CDH13: variants seen among roughly 807,000 people sequenced by gnomAD.
CDH13 encodes the protein cadherin-13.
A neutral mutation model predicts 63.8 loss-of-function variants in CDH13; 24 were observed. The ratio of observed to expected loss-of-function variants is 0.38; its 90% CI spans 0.27 to 0.53. The LOEUF is 0.53. Among genes scored for constraint, CDH13 ranks in the 20% least tolerant of loss-of-function variants. The pLI, the probability that CDH13 is intolerant of heterozygous loss-of-function variation, is 0.85. For missense variants in CDH13, 1,049 were observed against 903.1 expected (o/e 1.16, Z -2.07); for synonymous variants, 503 against 355.3 (o/e 1.42, Z -4.67).
Position 83,275,636 on chromosome 16 carries a change from A to G in CDH13, c.636+58139A>G, listed in dbSNP as rs150220873. Among the ~76,000 whole-genome samples the G allele has an allele frequency of 4.4e-3, 658 of 148,020 alleles. 3 individuals are homozygous for G. Among genetic ancestry groups the G allele is most frequent in the African/African-American group, 0.015 (617 of 39,882 alleles). ...TTCCTCCTGGCATTAGTAAAACCTC[A>G]GGAGTGAGCCTTATGACTCTGGCTT... On this transcript the variant is annotated intron_variant, in intron 5 of 13. Coordinates refer to ENST00000567109, the MANE Select transcript of CDH13 (RefSeq NM_001257.5).
At chr16:83,006,243 G>T (rs530754163) in intron 2 of CDH13, among the ~76,000 whole-genome samples, 1 of 152,308 alleles carries the variant, frequency 6.6e-6, no homozygotes, top group South Asian at 2.1e-4. Context: ...ATGACCATGA[G>T]CTTAGTGCCA....
chr16:83,573,052 G>C (rs939152224), intron 7 of CDH13, among the ~76,000 whole-genome samples: 5 of 152,148 alleles, frequency 3.3e-5, no homozygotes, highest in African/African-American at 1.2e-4. Context: ...ACAGAATATA[G>C]TAAGAACATC....
chr16:83,326,646 G>C (rs2090369396), intron 5 of CDH13, among the ~76,000 whole-genome samples: 1 of 152,110 alleles, frequency 6.6e-6, no homozygotes, highest in Non-Finnish European at 1.5e-5. Context: ...TCTAGGTGGT[G>C]GGTAGGACTA....
intron 1 of CDH13, chr16:82,639,370 C>T (rs1391908393): frequency 6.5e-7 from 1 of 1,535,174 alleles, no homozygotes. Context: ...GGCCAAACAA[C>T]CCACCTGCAC....
intron 1 of CDH13, among the ~76,000 whole-genome samples, chr16:82,804,156 A>AG (rs2037018857): frequency 8.4e-6 from 1 of 119,730 alleles, no homozygotes; most frequent in Non-Finnish European, 1.7e-5. Context: ...TGAACCCAGG[A>AG]GGTGGAGGTT....
chr16:83,713,228 G>C (rs1407928435), intron 10 of CDH13, among the ~76,000 whole-genome samples: 2 of 152,142 alleles, frequency 1.3e-5, no homozygotes, highest in Non-Finnish European at 1.5e-5. Flanking sequence ...TAACGGGCTG[G>C]GGTCCTTCAT....
At chr16:83,540,793 C>G (rs1423891100) in intron 7 of CDH13, among the ~76,000 whole-genome samples, 1 of 152,150 alleles carries the variant, frequency 6.6e-6, no homozygotes, top group Non-Finnish European at 1.5e-5. Context: ...CCACACCCAG[C>G]TAATTTTTGT....
chr16:83,665,607 A>G (rs1913875874), intron 8 of CDH13, among the ~76,000 whole-genome samples: 1 of 152,214 alleles, frequency 6.6e-6, no homozygotes, highest in Admixed American at 6.5e-5. Flanking sequence ...CCAGATGACT[A>G]CATCCCAGCT....
chr16:83,679,822 G>A (rs1915259728), intron 10 of CDH13, among the ~76,000 whole-genome samples: 1 of 152,188 alleles, frequency 6.6e-6, no homozygotes. Context: ...GGACCCTGGA[G>A]GCAATAAAAT....
chr16:83,082,889 G>A (rs1420763650), intron 3 of CDH13, among the ~76,000 whole-genome samples: 2 of 152,304 alleles, frequency 1.3e-5, no homozygotes, highest in South Asian at 4.1e-4. Flanking sequence ...TCGCACGTTT[G>A]TTTTTCAGGC....
chr16:82,971,173 C>T (rs4782741), intron 2 of CDH13, among the ~76,000 whole-genome samples: 1 of 152,146 alleles, frequency 6.6e-6, no homozygotes, highest in Non-Finnish European at 1.5e-5. Context: ...AATGCGATGA[C>T]TCTAAGGCTT....
chr16:83,664,105 C>T (rs990252640), intron 8 of CDH13, among the ~76,000 whole-genome samples: 3 of 151,816 alleles, frequency 2.0e-5, no homozygotes, highest in African/African-American at 4.8e-5. Context: ...TGCAGTGAGC[C>T]GTGATCATAA....
At chr16:83,508,218 G>C (rs966742515) in intron 7 of CDH13, 1 of 153,168 alleles carries the variant, frequency 6.5e-6, no homozygotes, top group Admixed American at 6.6e-5. Flanking sequence ...TAAATGTGGA[G>C]TCTGCCAAAT....
At chr16:83,325,618 C>G (rs73595987) in intron 5 of CDH13, among the ~76,000 whole-genome samples, 1 of 152,128 alleles carries the variant, frequency 6.6e-6, no homozygotes, top group Admixed American at 6.5e-5. Context: ...GCAGCAGCCT[C>G]GATGTGGCCT....
chr16:83,712,027 C>T (rs1415004269), intron 10 of CDH13, among the ~76,000 whole-genome samples: 2 of 152,204 alleles, frequency 1.3e-5, no homozygotes, highest in Non-Finnish European at 2.9e-5. Flanking sequence ...CCTGTGTCCT[C>T]ACAGAGTCTT....
chr16:83,521,850 C>T (rs543975481), intron 7 of CDH13, among the ~76,000 whole-genome samples: 1 of 152,320 alleles, frequency 6.6e-6, no homozygotes, highest in South Asian at 2.1e-4. Context: ...TAACCTCTTG[C>T]ATTTTCAATA....
intron 3 of CDH13, among the ~76,000 whole-genome samples, chr16:83,119,051 A>T (rs1446733275): frequency 6.6e-6 from 1 of 152,130 alleles, no homozygotes; most frequent in Non-Finnish European, 1.5e-5. Context: ...AGCACACACC[A>T]AAAGCTGCTC....
chr16:82,958,948 A>G (rs1222815491), intron 2 of CDH13, among the ~76,000 whole-genome samples: 1 of 152,258 alleles, frequency 6.6e-6, no homozygotes, highest in African/African-American at 2.4e-5. Flanking sequence ...TTCCTGGTGC[A>G]GAAAGAGAAG....
intron 1 of CDH13, among the ~76,000 whole-genome samples, chr16:82,753,798 C>T (rs2034511156): frequency 6.6e-6 from 1 of 152,184 alleles, no homozygotes; most frequent in African/African-American, 2.4e-5. Flanking sequence ...GTGGGTCCAC[C>T]TCAGAAGCTG....
Sources: gnomAD v4.1 joint callset for allele counts (sites outside exome capture counted in the v4.1 genomes callset) on GRCh38, gnomAD v4.1.1 for gene constraint, MANE v1.5 for transcripts, NCBI Gene and HGNC (gene_info 2026-07-23, HGNC 2026-07-21) for gene names.